RFX7: variants seen among roughly 807,000 people sequenced by gnomAD.
RFX7 encodes DNA-binding protein RFX7.
A neutral mutation model predicts 111.8 loss-of-function variants in RFX7; 26 were observed. That is an observed-to-expected ratio of 0.23 (90% CI 0.17 to 0.32). The LOEUF (loss-of-function observed/expected upper bound fraction) is 0.32. RFX7 is among the 10% of genes least tolerant of loss of function. RFX7 has a pLI of 1.00. For synonymous variants in RFX7, 624 were observed against 624.4 expected (o/e 1.00, Z 0.01); for missense variants, 1,573 against 1,772.9 (o/e 0.89, Z 2.02).
intron 2 of RFX7, among the ~76,000 whole-genome samples, chr15:56,218,144 C>CTTTTTTTTTTTTTTTTTTTT (rs869249448): frequency 1.7e-5 from 1 of 57,974 alleles, no homozygotes; most frequent in African/African-American, 7.2e-5. Context: ...AAATGATTTT[C>CTTTTTTTTTTTTTTTTTTTT]TTTTTTTTTT....
At chr15:56,186,787 A>C (rs563479064) in intron 2 of RFX7, among the ~76,000 whole-genome samples, 30 of 152,108 alleles carry the variant, frequency 2.0e-4, no homozygotes, top group Non-Finnish European at 3.5e-4. Context: ...CCCAAATTCC[A>C]CCACTACAAC....
chr15:56,187,343 T>G (rs1310397645), intron 2 of RFX7, among the ~76,000 whole-genome samples: 1 of 151,890 alleles, frequency 6.6e-6, no homozygotes, highest in Non-Finnish European at 1.5e-5. Context: ...CCTGAGTAGC[T>G]GGGATTACAG....
At chr15:56,229,102 C>T (rs1403343260) in intron 2 of RFX7, among the ~76,000 whole-genome samples, 1 of 152,100 alleles carries the variant, frequency 6.6e-6, no homozygotes, top group African/African-American at 2.4e-5. Flanking sequence ...GATTAGGGAG[C>T]AATTTAAAAC....
At chr15:56,222,220 T>C (rs1181392630) in intron 2 of RFX7, among the ~76,000 whole-genome samples, 4 of 152,344 alleles carry the variant, frequency 2.6e-5, no homozygotes, top group East Asian at 1.9e-4. Context: ...TGATGAGAAG[T>C]TGGTCTTCGT....
chr15:56,137,610 T>C (rs985154073), intron 5 of RFX7, among the ~76,000 whole-genome samples: 21 of 152,026 alleles, frequency 1.4e-4, no homozygotes, highest in African/African-American at 5.1e-4. Flanking sequence ...GTGTCTCTAT[T>C]TCCTTCAGTT....
chr15:56,230,591 C>A (rs1409332019), intron 2 of RFX7, among the ~76,000 whole-genome samples: 5 of 152,122 alleles, frequency 3.3e-5, no homozygotes, highest in Non-Finnish European at 7.4e-5. Context: ...TAGTACCTAC[C>A]ACTAGGTGAA....
chr15:56,164,009 C>G (rs2042754826), intron 3 of RFX7, among the ~76,000 whole-genome samples: 1 of 152,138 alleles, frequency 6.6e-6, no homozygotes, highest in Non-Finnish European at 1.5e-5. Flanking sequence ...TAAGAAAAAT[C>G]TGATGAGGTA....
At chr15:56,117,115 T>C (rs191586815) in intron 5 of RFX7, among the ~76,000 whole-genome samples, 46 of 152,280 alleles carry the variant, frequency 3.0e-4, no homozygotes, top group African/African-American at 1.1e-3. Flanking sequence ...ATTCCTTTTG[T>C]AAAGATTTGT....
intron 3 of RFX7, among the ~76,000 whole-genome samples, chr15:56,155,347 A>G (rs149482896): frequency 0.028 from 4,195 of 152,280 alleles, 79 homozygotes; most frequent in Middle Eastern, 0.044. Flanking sequence ...CACAATAGCA[A>G]AGACTTGGAA....
chr15:56,187,296 C>T (rs183503434), intron 2 of RFX7, among the ~76,000 whole-genome samples: 389 of 151,750 alleles, frequency 2.6e-3, no homozygotes, highest in African/African-American at 9.0e-3. Flanking sequence ...CTGCAACCTC[C>T]GCCTCCTGGG....
At chr15:56,219,326 G>A (rs1376756780) in intron 2 of RFX7, among the ~76,000 whole-genome samples, 3 of 152,090 alleles carry the variant, frequency 2.0e-5, no homozygotes, top group Admixed American at 1.3e-4. Flanking sequence ...GTTAGTGTTT[G>A]CTTAGTACAT....
intron 2 of RFX7, among the ~76,000 whole-genome samples, chr15:56,201,752 C>G (rs927600333): frequency 6.6e-6 from 1 of 152,022 alleles, no homozygotes; most frequent in African/African-American, 2.4e-5. Context: ...AAACACTGGC[C>G]GGGCGTGGTG....
chr15:56,212,407 C>T (rs1435817797), intron 2 of RFX7, among the ~76,000 whole-genome samples: 1 of 152,106 alleles, frequency 6.6e-6, no homozygotes, highest in Non-Finnish European at 1.5e-5. Context: ...TAAGCCTACT[C>T]TTTATGATAC....
chr15:56,223,556 C>T (rs572459127), intron 2 of RFX7, among the ~76,000 whole-genome samples: 1 of 152,240 alleles, frequency 6.6e-6, no homozygotes, highest in South Asian at 2.1e-4. Flanking sequence ...GTTTAACACC[C>T]ATTACCCCAT....
At chr15:56,161,247 G>A (rs968097481) in intron 3 of RFX7, among the ~76,000 whole-genome samples, 1 of 151,950 alleles carries the variant, frequency 6.6e-6, no homozygotes, top group Non-Finnish European at 1.5e-5. Flanking sequence ...AGAATTTACT[G>A]CAACCTAAAA....
chr15:56,111,850 C>G (rs1207107707), intron 5 of RFX7, among the ~76,000 whole-genome samples: 7 of 152,076 alleles, frequency 4.6e-5, no homozygotes, highest in Admixed American at 4.6e-4. Context: ...GGTGCAGTGG[C>G]TCATCCCTGT....
rs1483963091 is a variant in RFX7, at chr15:56,095,540, G to C, written c.2188C>G (p.Gln730Glu). The C allele has an allele frequency of 6.2e-7, 1 of 1,613,754 alleles. No homozygotes were observed. Among genetic ancestry groups the C allele is most frequent in the East Asian group, 2.2e-5 (1 of 44,880 alleles). ...VNVSSHIGAN[Q>E]PLNSSALVIS... ...ACAAGGGCAGAGGAATTCAAGGGTTGATTTGCTCCTATGTGTGAACTGACA... is the reference window on the plus strand; with the variant it reads ...ACAAGGGCAGAGGAATTCAAGGGTTCATTTGCTCCTATGTGTGAACTGACA... The change falls in exon 10 of 10, where the codon CAA (glutamine) becomes GAA (glutamate). Residue 730 changes from glutamine (Q) to glutamate (E), a missense_variant. Coordinates refer to ENST00000559447, the MANE Select transcript of RFX7 (RefSeq NM_022841.7).
At chr15:56,105,551 G>T (rs1323260512) in intron 5 of RFX7, among the ~76,000 whole-genome samples, 1 of 152,102 alleles carries the variant, frequency 6.6e-6, no homozygotes, top group African/African-American at 2.4e-5. Flanking sequence ...CTAAAAAACT[G>T]AAATCAAATA....
rs377018429 is a variant in RFX7, at chr15:56,093,087, TAGTC to T, written c.*254_*257del. 7.4e-4 allele frequency: 286 copies of T among 388,446 alleles called. No individual in the cohort carries two copies. Among genetic ancestry groups the T allele is most frequent in the African/African-American group, 5.4e-3 (269 of 49,622 alleles). The allele number at this position is 388,446 out of a possible 1,614,324, so 24.1% of individuals were successfully genotyped here. The stretch of plus-strand genomic sequence containing the variant: ...ATCGACTGCTCTTGTAACAGCTGGA[TAGTC>T]AATCAATGTGAATAAATGGGGCACA... On this transcript the variant is annotated 3_prime_UTR_variant, in exon 10 of 10. Transcript: ENST00000559447.
Sources: gnomAD v4.1 joint callset for allele counts (sites outside exome capture counted in the v4.1 genomes callset) on GRCh38, gnomAD v4.1.1 for gene constraint, MANE v1.5 for transcripts, NCBI Gene and HGNC (gene_info 2026-07-23, HGNC 2026-07-21) for gene names.